MYBPC1: variants seen among roughly 807,000 people sequenced by gnomAD.
The protein encoded by MYBPC1 is myosin-binding protein C, slow-type.
Under a neutral mutation model 147.1 loss-of-function variants are expected in MYBPC1, and 52 were observed. The ratio of observed to expected loss-of-function variants is 0.35; its 90% CI spans 0.28 to 0.45. The LOEUF (loss-of-function observed/expected upper bound fraction) is 0.45, where lower values mean the gene tolerates loss of function less well. Among genes scored for constraint, MYBPC1 ranks in the 20% least tolerant of loss-of-function variants. The pLI, the probability that MYBPC1 is intolerant of heterozygous loss-of-function variation, is 1.00. For missense variants in MYBPC1, 1,228 were observed against 1,440.3 expected, an observed-to-expected ratio of 0.85 and a Z score of 2.39; for synonymous variants, 477 against 475.9, an observed-to-expected ratio of 1.00 and a Z score of -0.03.
At chr12:101,677,548 C>T (rs577229472) in intron 27 of MYBPC1, among the ~76,000 whole-genome samples, 154 bp downstream of exon 27, 100 of 152,266 alleles carry the variant, frequency 6.6e-4, no homozygotes, top group African/African-American at 2.4e-3. Flanking sequence ...TTTAATTTTA[C>T]AGGTAAAATT....
intron 5 of MYBPC1, chr12:101,628,051 T>C (rs1889030526): frequency 2.2e-6 from 1 of 464,094 alleles, no homozygotes; most frequent in Admixed American, 3.4e-5. Context: ...TTTTAATATT[T>C]AGCAAATACA....
intron 31 of MYBPC1, 33 bp downstream of exon 31, chr12:101,684,457 T>G (rs1450812008): frequency 2.0e-6 from 3 of 1,513,792 alleles, no homozygotes. Context: ...CATATGAAGC[T>G]TATGACTGTC....
At chr12:101,620,561 C>T (rs747326835) in intron 3 of MYBPC1, among the ~76,000 whole-genome samples, 1 of 151,996 alleles carries the variant, frequency 6.6e-6, no homozygotes, top group Non-Finnish European at 1.5e-5. Context: ...TAGGGAATAA[C>T]GTGGGTGATC....
At chr12:101,602,441 T>C (rs536186370) in intron 1 of MYBPC1, among the ~76,000 whole-genome samples, 20 of 152,274 alleles carry the variant, frequency 1.3e-4, no homozygotes, top group African/African-American at 3.9e-4. Flanking sequence ...GGTCTCAAAC[T>C]CCTGACCTCA....
chr12:101,689,780 C>T (rs1021375564), downstream of MYBPC1, among the ~76,000 whole-genome samples: 1 of 152,156 alleles, frequency 6.6e-6, no homozygotes, highest in South Asian at 2.1e-4. Context: ...CAGAGTGGTT[C>T]CTCCACCCAA....
intron 20 of MYBPC1, among the ~76,000 whole-genome samples, chr12:101,661,616 T>C (rs548333915): frequency 1.3e-5 from 2 of 152,224 alleles, no homozygotes; most frequent in East Asian, 3.9e-4. Flanking sequence ...AGGCTGAGCA[T>C]TGTGGCTCAT....
chr12:101,618,367 G>A (rs189742272), intron 3 of MYBPC1, among the ~76,000 whole-genome samples: 3 of 152,286 alleles, frequency 2.0e-5, no homozygotes, highest in Middle Eastern at 3.4e-3. Flanking sequence ...CCACGTGGGC[G>A]CAGTTTGAAG....
chr12:101,651,066 G>T, intron 15 of MYBPC1, 165 bp from the exon 16 acceptor site: 1 of 793,910 alleles, frequency 1.3e-6, no homozygotes, highest in Non-Finnish European at 2.1e-6. Flanking sequence ...AAATTGTACA[G>T]AATCAAATGT....
chr12:101,644,827 C>G (rs1892727960), intron 12 of MYBPC1, 31 bp downstream of exon 12: 2 of 1,602,896 alleles, frequency 1.2e-6, no homozygotes. Flanking sequence ...TCAGTGATAG[C>G]TCTACAGTAA....
chr12:101,628,152 C>G, intron 5 of MYBPC1: 1 of 320,700 alleles, frequency 3.1e-6, no homozygotes, highest in South Asian at 2.7e-5. Flanking sequence ...AAAACATTTT[C>G]AAATGCATCC....
Position 101,651,279 on chromosome 12 carries a change from T to C in MYBPC1, c.1412T>C (p.Leu471Pro). ...LTPLTDQTVN[L>P]GKEICLKCEI... ...CCTCTGACTGATCAGACTGTAAATC[T>C]TGGAAAAGAAATCTGCCTGAAGTGT... The change falls in exon 16 of 32, where the codon CTT becomes CCT. Residue 471 changes from leucine (L) to proline (P), a missense_variant. This residue lies in a region of MYBPC1 where 1,077 missense variants were observed against 1,314.2 expected (regional missense o/e 0.82). Transcript: ENST00000361466. 2 of 1,614,102 alleles carry C rather than the reference T, an allele frequency of 1.2e-6. No individual in the cohort carries two copies. The highest frequency in any genetic ancestry group is 1.7e-5 in the Admixed American group (1 of 60,000).
At chr12:101,625,450 G>A (rs117817646) in intron 3 of MYBPC1, among the ~76,000 whole-genome samples, 1,938 of 152,178 alleles carry the variant, frequency 0.013, 27 homozygotes, top group Non-Finnish European at 0.016. Context: ...TAAATAACCC[G>A]CTGGCTGATA....
At chr12:101,680,295 C>A (rs765362556) in intron 28 of MYBPC1, 48 bp from the exon 29 acceptor site, 28 of 1,552,664 alleles carry the variant, frequency 1.8e-5, no homozygotes, top group Non-Finnish European at 2.3e-5. Context: ...TATTAATATG[C>A]CAATTACAGA....
At chr12:101,675,705 A>G (rs1342140710) in intron 26 of MYBPC1, among the ~76,000 whole-genome samples, 1 of 152,250 alleles carries the variant, frequency 6.6e-6, no homozygotes, top group Non-Finnish European at 1.5e-5. Context: ...GGGCACAAAT[A>G]TCCCTTGCTT....
At chr12:101,687,876 C>T (rs192058616), downstream of MYBPC1, among the ~76,000 whole-genome samples, 2 of 152,250 alleles carry the variant, frequency 1.3e-5, no homozygotes, top group African/African-American at 4.8e-5. Flanking sequence ...ATGACTTAGG[C>T]TCTTTAATTA....
downstream of MYBPC1, among the ~76,000 whole-genome samples, chr12:101,688,969 G>A (rs68018720): frequency 0.031 from 1,685 of 54,328 alleles, 110 homozygotes; most frequent in Middle Eastern, 0.085. Context: ...AAAAAAAAAA[G>A]AAAAAGAAAA....
chr12:101,606,674 A>G, intron 1 of MYBPC1, among the ~76,000 whole-genome samples: 1 of 152,176 alleles, frequency 6.6e-6, no homozygotes, highest in Middle Eastern at 3.2e-3. Context: ...AATGCCTATA[A>G]TGAATAGAGT....
At chr12:101,632,267 G>T in intron 8 of MYBPC1, 129 bp downstream of exon 8, 1 of 749,082 alleles carries the variant, frequency 1.3e-6, no homozygotes, top group South Asian at 1.5e-5. Flanking sequence ...TCTGATTGTG[G>T]TAGTCTCAGC....
intron 24 of MYBPC1, among the ~76,000 whole-genome samples, chr12:101,671,369 G>A (rs540394859): frequency 6.9e-4 from 103 of 149,394 alleles, no homozygotes; most frequent in Non-Finnish European, 1.2e-3. Flanking sequence ...ATGCACACAT[G>A]CACACACAGA....
Sources: gnomAD v4.1 joint callset for allele counts (sites outside exome capture counted in the v4.1 genomes callset) on GRCh38, gnomAD v4.1.1 for gene constraint, gnomAD v4.1.1 regional missense constraint, MANE v1.5 for transcripts, NCBI Gene and HGNC (gene_info 2026-07-23, HGNC 2026-07-21) for gene names.